Variants in ATF7IP2 observed in about 807,000 individuals in gnomAD.
ATF7IP2 encodes the protein activating transcription factor 7-interacting protein 2.
Under a neutral mutation model 64.2 loss-of-function variants are expected in ATF7IP2, and 42 were observed. The ratio of observed to expected loss-of-function variants is 0.65; its 90% CI spans 0.51 to 0.85. The LOEUF (loss-of-function observed/expected upper bound fraction) is 0.85, where lower values mean the gene tolerates loss of function less well. Among genes scored for constraint, ATF7IP2 ranks in the 40% least tolerant of loss-of-function variants. ATF7IP2 has a pLI of 0.00. For missense variants in ATF7IP2, 933 were observed against 784.2 expected, an observed-to-expected ratio of 1.19 and a Z score of -2.27; for synonymous variants, 308 against 272.8, an observed-to-expected ratio of 1.13 and a Z score of -1.27.
At chr16:10,408,677 A>G (rs1283776540) in intron 1 of ATF7IP2, among the ~76,000 whole-genome samples, 1 of 151,894 alleles carries the variant, frequency 6.6e-6, no homozygotes, top group Non-Finnish European at 1.5e-5. Context: ...CCACTTTTTG[A>G]TGGGATTATT....
intron 1 of ATF7IP2, among the ~76,000 whole-genome samples, chr16:10,392,102 G>A (rs1338721529): frequency 1.4e-5 from 2 of 138,182 alleles, no homozygotes; most frequent in Non-Finnish European, 3.0e-5. Context: ...TCCCCAGGCT[G>A]GAGTGAACGG....
chr16:10,468,226 G>C (rs1399938176), intron 9 of ATF7IP2, among the ~76,000 whole-genome samples: 1 of 152,092 alleles, frequency 6.6e-6, no homozygotes, highest in Non-Finnish European at 1.5e-5. Context: ...ATTTGTTTTT[G>C]TTTCTTAGAA....
chr16:10,467,804 CG>C (rs2049634061), intron 9 of ATF7IP2, among the ~76,000 whole-genome samples: 1 of 151,722 alleles, frequency 6.6e-6, no homozygotes. Context: ...CCACCCGCCT[CG>C]GCCCCACAAA....
At chr16:10,448,121 A>G (rs150527912) in intron 8 of ATF7IP2, 1 of 152,030 alleles carries the variant, frequency 6.6e-6, no homozygotes, top group African/African-American at 2.4e-5. Flanking sequence ...GTTCTGTTCC[A>G]TTGGTCTATA....
At position 10,423,849 on chromosome 16, in the gene ATF7IP2, C is replaced by T. The variant is rs540710376; in HGVS notation, c.-160+4226C>T. On this transcript the variant is annotated intron_variant, in intron 3 of 13. Coordinates refer to ENST00000562102, the MANE Select transcript of ATF7IP2 (RefSeq NM_001393719.1). The stretch of plus-strand genomic sequence containing the variant: ...ACCCTGATGCTTCCGAGCTCCCCTT[C>T]TTACCACAGGGATTGCTTAAGAGTA... Among the ~76,000 whole-genome samples the T allele has an allele frequency of 3.3e-5, 5 of 152,302 alleles. No individual in the cohort carries two copies. In the South Asian group the frequency reaches 1.0e-3, roughly 32 times the overall value.
At chr16:10,481,161 T>TG (rs1337492068) in intron 13 of ATF7IP2, among the ~76,000 whole-genome samples, 197 bp downstream of exon 13, 1 of 152,208 alleles carries the variant, frequency 6.6e-6, no homozygotes. Context: ...AACAAATACT[T>TG]TTTTTATTGA....
intron 1 of ATF7IP2, among the ~76,000 whole-genome samples, chr16:10,395,284 A>G (rs547043246): frequency 6.6e-6 from 1 of 152,310 alleles, no homozygotes; most frequent in African/African-American, 2.4e-5. Context: ...AGAAGAGGAA[A>G]ATCTGAACAA....
chr16:10,425,648 C>T lies in ATF7IP2; in HGVS notation c.-159-3220C>T, dbSNP rs1451154726. Among the ~76,000 whole-genome samples the T allele has an allele frequency of 3.3e-5, 5 of 152,178 alleles. No homozygotes were observed. The East Asian group carries it at 9.7e-4, about 29-fold the overall frequency. ...GTGGCTCACATCTGTAATCCCAGCA[C>T]TTTGGGAGGCCGAGGTGGGCACATC... On this transcript the variant is annotated intron_variant, in intron 3 of 13. Transcript: ENST00000562102.
At chr16:10,408,142 C>G (rs1220603148) in intron 1 of ATF7IP2, among the ~76,000 whole-genome samples, 1 of 152,052 alleles carries the variant, frequency 6.6e-6, no homozygotes, top group Admixed American at 6.6e-5. Context: ...GATTTCCTGA[C>G]CTCGCGATCC....
chr16:10,451,633 CT>C (rs1227990066), intron 8 of ATF7IP2, among the ~76,000 whole-genome samples: 2 of 151,936 alleles, frequency 1.3e-5, no homozygotes, highest in African/African-American at 4.8e-5. Context: ...CTTGTGTATG[CT>C]TCATGAAGTT....
chr16:10,438,290 C>A (rs2048489831), intron 7 of ATF7IP2, 55 bp downstream of exon 7: 3 of 1,533,932 alleles, frequency 2.0e-6, no homozygotes, highest in Non-Finnish European at 2.6e-6. Flanking sequence ...TGTTGTTGCT[C>A]TGTTGCTCAG....
intron 2 of ATF7IP2, among the ~76,000 whole-genome samples, chr16:10,414,942 T>G (rs767699849): frequency 1.3e-5 from 2 of 152,066 alleles, no homozygotes; most frequent in African/African-American, 4.8e-5. Context: ...ATACCTACAA[T>G]GAAGACTGTA....
intron 6 of ATF7IP2, among the ~76,000 whole-genome samples, chr16:10,436,648 A>G (rs1429141464): frequency 1.3e-5 from 2 of 152,334 alleles, no homozygotes; most frequent in East Asian, 3.9e-4. Flanking sequence ...CGTAGGAACT[A>G]TGTGTTCTAT....
At chr16:10,408,339 C>T (rs985617999) in intron 1 of ATF7IP2, among the ~76,000 whole-genome samples, 18 of 152,098 alleles carry the variant, frequency 1.2e-4, no homozygotes, top group Non-Finnish European at 2.2e-4. Context: ...GACTACTTTT[C>T]CTCTAGGTGG....
intron 2 of ATF7IP2, among the ~76,000 whole-genome samples, chr16:10,416,211 A>C (rs1283568168): frequency 6.6e-6 from 1 of 152,240 alleles, no homozygotes; most frequent in African/African-American, 2.4e-5. Flanking sequence ...AGTGCTCATC[A>C]GCAGATAAAT....
intron 1 of ATF7IP2, among the ~76,000 whole-genome samples, chr16:10,408,608 A>G (rs1257508118): frequency 6.6e-6 from 1 of 151,716 alleles, no homozygotes; most frequent in African/African-American, 2.4e-5. Flanking sequence ...GCATTTTTTC[A>G]TATGTTTGTT....
At chr16:10,433,702 T>G (rs942450432) in intron 6 of ATF7IP2, 53 bp downstream of exon 6, 1 of 1,585,484 alleles carries the variant, frequency 6.3e-7, no homozygotes, top group African/African-American at 1.4e-5. Context: ...TAAAACATGG[T>G]AAAAGTTAAT....
chr16:10,441,886 C>T (rs541792357), intron 8 of ATF7IP2, among the ~76,000 whole-genome samples: 3 of 152,270 alleles, frequency 2.0e-5, no homozygotes, highest in East Asian at 3.9e-4. Context: ...AGAAAACATG[C>T]ACTCAGACAA....
chr16:10,481,823 A>G lies in ATF7IP2; in HGVS notation c.1636-13A>G. On this transcript the variant is annotated splice_polypyrimidine_tract_variant and intron_variant, in intron 13 of 13. Transcript: ENST00000562102. ...ACTTTAAAAGCTATATTTTCTTACA[A>G]TTGTGTTTTTAGGTTCCTGAGTCCT... 2 of 1,552,562 alleles carry G rather than the reference A, an allele frequency of 1.3e-6. No homozygotes were observed. The highest frequency in any genetic ancestry group is 1.3e-5 in the South Asian group (1 of 79,856).
Sources: allele counts gnomAD v4.1 joint callset (sites outside exome capture counted in the v4.1 genomes callset), GRCh38; gene constraint gnomAD v4.1.1; transcripts MANE v1.5; gene names NCBI Gene and HGNC (gene_info 2026-07-23, HGNC 2026-07-21).